The following RIMS2 variants were observed in gnomAD, a reference collection of about 807,000 sequenced individuals.
RIMS2 encodes the protein regulating synaptic membrane exocytosis protein 2.
In RIMS2, 59 loss-of-function variants were observed where a neutral mutation model predicts 174.4. The observed-to-expected ratio is 0.34, with a 90% confidence interval of 0.27 to 0.42. RIMS2 has a LOEUF of 0.42. Among genes scored for constraint, RIMS2 ranks in the 10% least tolerant of loss-of-function variants. The pLI is 1.00. For missense variants in RIMS2, 1,620 were observed against 1,666.3 expected (o/e 0.97, Z 0.48); for synonymous variants, 606 against 572.5 (o/e 1.06, Z -0.84).
intron 19 of RIMS2, among the ~76,000 whole-genome samples, chr8:104,153,191 C>T (rs1237008845): frequency 1.3e-5 from 2 of 152,102 alleles, no homozygotes; most frequent in Admixed American, 6.5e-5. Flanking sequence ...ATTGGAAACT[C>T]ATCTTTTAAA....
intron 19 of RIMS2, among the ~76,000 whole-genome samples, chr8:104,097,301 A>G (rs1453312267): frequency 1.3e-5 from 2 of 152,156 alleles, no homozygotes; most frequent in African/African-American, 2.4e-5. Context: ...CCTGAAGGTA[A>G]TTTTATCCCA....
downstream of RIMS2, chr8:104,253,325 T>C (rs1240458911): frequency 1.3e-5 from 2 of 152,198 alleles, no homozygotes; most frequent in African/African-American, 4.8e-5. Context: ...CCATTTACTA[T>C]GTGAATAGAA....
intron 19 of RIMS2, among the ~76,000 whole-genome samples, chr8:104,109,388 T>C (rs1001586086): frequency 3.9e-5 from 6 of 151,910 alleles, no homozygotes; most frequent in Non-Finnish European, 8.8e-5. Flanking sequence ...AAGTTAGCTC[T>C]GGATTCAGAC....
intron 3 of RIMS2, among the ~76,000 whole-genome samples, chr8:103,812,092 G>A (rs1387455271): frequency 6.6e-6 from 1 of 152,162 alleles, no homozygotes; most frequent in African/African-American, 2.4e-5. Flanking sequence ...TCAGAAAACA[G>A]CATGTTTTTT....
At chr8:103,860,581 T>A (rs892465317) in intron 3 of RIMS2, among the ~76,000 whole-genome samples, 1 of 152,112 alleles carries the variant, frequency 6.6e-6, no homozygotes, top group South Asian at 2.1e-4. Context: ...TAGCAAATAG[T>A]ACATATTCAA....
intron 2 of RIMS2, among the ~76,000 whole-genome samples, chr8:103,727,405 A>G (rs1414128792): frequency 2.0e-5 from 3 of 152,080 alleles, no homozygotes; most frequent in Non-Finnish European, 4.4e-5. Context: ...ATGTTCTTCA[A>G]TTCTGTGGGT....
At chr8:104,119,523 C>T (rs1225702097) in intron 19 of RIMS2, among the ~76,000 whole-genome samples, 1 of 152,008 alleles carries the variant, frequency 6.6e-6, no homozygotes, top group African/African-American at 2.4e-5. Context: ...AAAATGTCAC[C>T]GTATTCTCTT....
chr8:103,755,573 A>T (rs1037054124), intron 2 of RIMS2, among the ~76,000 whole-genome samples: 1 of 152,114 alleles, frequency 6.6e-6, no homozygotes, highest in African/African-American at 2.4e-5. Context: ...CACCAGTCAA[A>T]CATAGATTTG....
At chr8:103,878,501 G>A (rs546020912) in intron 3 of RIMS2, among the ~76,000 whole-genome samples, 1 of 151,800 alleles carries the variant, frequency 6.6e-6, no homozygotes, top group South Asian at 2.1e-4. Flanking sequence ...TTGCATCTCA[G>A]TTCATTGGAG....
At chr8:103,966,649 T>A (rs2091901635) in intron 15 of RIMS2, among the ~76,000 whole-genome samples, 1 of 152,106 alleles carries the variant, frequency 6.6e-6, no homozygotes, top group Non-Finnish European at 1.5e-5. Context: ...ATTTTGTAAC[T>A]GCTTACTTTG....
At chr8:103,592,473 C>G (rs2094308967) in intron 1 of RIMS2, among the ~76,000 whole-genome samples, 1 of 151,060 alleles carries the variant, frequency 6.6e-6, no homozygotes, top group Non-Finnish European at 1.5e-5. Context: ...GAGTAATCAC[C>G]TAGATCTAAA....
chr8:103,969,465 C>T (rs1055506926), intron 15 of RIMS2, among the ~76,000 whole-genome samples: 16 of 152,044 alleles, frequency 1.1e-4, no homozygotes, highest in Admixed American at 1.0e-3. Flanking sequence ...TTTTCTCAAC[C>T]GTGTTCAGTC....
At chr8:104,198,240 G>C (rs1004331338) in intron 19 of RIMS2, among the ~76,000 whole-genome samples, 7 of 152,196 alleles carry the variant, frequency 4.6e-5, no homozygotes, top group Non-Finnish European at 7.3e-5. Flanking sequence ...AAATTCTTCT[G>C]AGTGCTGGCA....
In RIMS2 at chr8:104,150,268, A is replaced by G. The variant is rs527953451; in HGVS notation, c.3335-94648A>G. On this transcript the variant is annotated intron_variant, in intron 19 of 23. Transcript: ENST00000504942. ...AGTAAGACTACAAGTTAGAAAATAT[A>G]TGAAACTAAATAATTAATTCCATTC... 2.4e-3 allele frequency among the ~76,000 whole-genome samples: 370 copies of G among 152,362 alleles called. 3 individuals carry two copies. Among genetic ancestry groups the G allele is most frequent in the Non-Finnish European group, 2.3e-3 (158 of 68,030 alleles).
chr8:103,694,021 T>A (rs1462182654), intron 1 of RIMS2, among the ~76,000 whole-genome samples: 2 of 152,112 alleles, frequency 1.3e-5, no homozygotes, highest in Non-Finnish European at 2.9e-5. Context: ...AGGGTGGAAC[T>A]TGTTCTTGTG....
intron 3 of RIMS2, among the ~76,000 whole-genome samples, chr8:103,836,676 A>C (rs951563491): frequency 2.6e-5 from 4 of 152,262 alleles, no homozygotes; most frequent in African/African-American, 9.6e-5. Context: ...ATTTTGGAAC[A>C]AAACATGATG....
rs4084190 is a variant in RIMS2 at position 103,849,854 on chromosome 8, C to T, written c.699-35444C>T. ...TGAAATACTGTGGCTTAGGAACTCT[C>T]GACAGATTTCAGTGTTTTACCATAT... On this transcript the variant is annotated intron_variant, in intron 3 of 23. Coordinates refer to ENST00000504942, the Ensembl canonical transcript of RIMS2. Among the ~76,000 whole-genome samples, 126 of 151,998 alleles carry T rather than the reference C, an allele frequency of 8.3e-4. 2 individuals are homozygous for T. In the East Asian group the frequency reaches 0.023, roughly 28 times the overall value.
chr8:104,002,234 G>A (rs571753941), intron 17 of RIMS2, among the ~76,000 whole-genome samples: 1 of 151,296 alleles, frequency 6.6e-6, no homozygotes, highest in Admixed American at 6.6e-5. Flanking sequence ...TTGTTCTTCT[G>A]TCTCAGTAGA....
chr8:103,715,732 A>T (rs2097360414), intron 2 of RIMS2, among the ~76,000 whole-genome samples: 1 of 152,174 alleles, frequency 6.6e-6, no homozygotes, highest in African/African-American at 2.4e-5. Context: ...ACCAGTGGTA[A>T]TCAATAATAA....
Sources: gnomAD v4.1 joint callset for allele counts (sites outside exome capture counted in the v4.1 genomes callset) on GRCh38, gnomAD v4.1.1 for gene constraint, MANE v1.5 for transcripts, NCBI Gene and HGNC (gene_info 2026-07-23, HGNC 2026-07-21) for gene names.